The following MYO5B variants were observed in gnomAD, a reference collection of about 807,000 sequenced individuals.
MYO5B encodes the protein unconventional myosin-Vb.
MYO5B carries 143 observed loss-of-function variants against 229.3 expected under a neutral mutation model. That is an observed-to-expected ratio of 0.62 (90% CI 0.54 to 0.72). The LOEUF (loss-of-function observed/expected upper bound fraction) is 0.72. Among genes scored for constraint, MYO5B ranks in the 30% least tolerant of loss-of-function variants. The pLI, the probability that MYO5B is intolerant of heterozygous loss-of-function variation, is 0.00. For synonymous variants in MYO5B, 918 were observed against 885.2 expected, an observed-to-expected ratio of 1.04 and a Z score of -0.66; for missense variants, 2,321 against 2,331.0, an observed-to-expected ratio of 1.00 and a Z score of 0.09.
At position 49,837,646 on chromosome 18, in the gene MYO5B, T is replaced by A. The variant is rs769679742; in HGVS notation, c.5009A>T (p.Asp1670Val). The change falls in exon 37 of 40, where the codon GAC becomes GTC. Residue 1670 changes from aspartate to valine, a missense_variant. Transcript: ENST00000285039. ...QMNAFHTVMC[D>V]QGLDPEIILQ... Reference sequence around the variant, plus strand: ...GATGATCTCAGGGTCCAAGCCCTGGTCACACATGACTGTATGAAAGGCATT... The same window carrying A: ...GATGATCTCAGGGTCCAAGCCCTGGACACACATGACTGTATGAAAGGCATT... 2 of 1,613,920 alleles carry A rather than the reference T, an allele frequency of 1.2e-6. No individual in the cohort carries two copies. The highest frequency in any genetic ancestry group is 1.7e-6 in the Non-Finnish European group (2 of 1,179,898).
intron 4 of MYO5B, among the ~76,000 whole-genome samples, chr18:50,018,783 CG>C (rs972749170): frequency 3.9e-5 from 6 of 152,110 alleles, no homozygotes; most frequent in African/African-American, 1.4e-4. Context: ...TCTTAACACA[CG>C]GTTTTAGTGG....
intron 1 of MYO5B, among the ~76,000 whole-genome samples, chr18:50,158,722 T>G (rs377154594): frequency 1.4e-4 from 21 of 152,306 alleles, no homozygotes; most frequent in South Asian, 1.0e-3. Context: ...GACACTAAAA[T>G]GAGAATGCCA....
intron 10 of MYO5B, among the ~76,000 whole-genome samples, chr18:49,966,694 G>C (rs1182248229): frequency 6.6e-6 from 1 of 152,228 alleles, no homozygotes; most frequent in Non-Finnish European, 1.5e-5. Context: ...GTTTACACTG[G>C]TAGCACTCCA....
chr18:50,075,881 T>C (rs2144458404), intron 1 of MYO5B, among the ~76,000 whole-genome samples: 1 of 152,324 alleles, frequency 6.6e-6, no homozygotes, highest in South Asian at 2.1e-4. Context: ...GAAGTATCAG[T>C]GGCAATGTAC....
chr18:50,167,555 A>T (rs1299212009), intron 1 of MYO5B, among the ~76,000 whole-genome samples: 1 of 152,234 alleles, frequency 6.6e-6, no homozygotes, highest in East Asian at 1.9e-4. Context: ...TATAAAAGAC[A>T]AATTGCTCTA....
intron 22 of MYO5B, among the ~76,000 whole-genome samples, chr18:49,885,387 G>A (rs1332032238): frequency 1.3e-5 from 2 of 152,112 alleles, no homozygotes; most frequent in Middle Eastern, 6.3e-3. Flanking sequence ...ATGACCACGT[G>A]GAGCAGAGGA....
intron 16 of MYO5B, among the ~76,000 whole-genome samples, chr18:49,929,934 C>G (rs2075489444): frequency 6.6e-6 from 1 of 152,154 alleles, no homozygotes; most frequent in South Asian, 2.1e-4. Flanking sequence ...AGAGCCTACT[C>G]TTACTGTTTT....
chr18:49,840,925 C>G (rs1270693888), intron 35 of MYO5B, among the ~76,000 whole-genome samples: 1 of 152,180 alleles, frequency 6.6e-6, no homozygotes, highest in Non-Finnish European at 1.5e-5. Context: ...TGCCTCTGTT[C>G]TTGTGGCCAT....
rs114425643 is a variant in MYO5B at position 50,061,588 on chromosome 18, G to A, written c.28-6210C>T. ...AAAAACCTGAGAGAATTGATTCTCAGTGCTGGCTGGCATACAAGAATTATC... is the reference window on the plus strand; with the variant it reads ...AAAAACCTGAGAGAATTGATTCTCAATGCTGGCTGGCATACAAGAATTATC... On this transcript the variant is annotated intron_variant, in intron 1 of 39. Transcript: ENST00000285039. Among the ~76,000 whole-genome samples, 394 of 152,292 alleles carry A rather than the reference G, an allele frequency of 2.6e-3. 1 individual carries two copies. Among genetic ancestry groups the A allele is most frequent in the African/African-American group, 8.1e-3 (338 of 41,560 alleles).
intron 29 of MYO5B, 36 bp downstream of exon 29, chr18:49,863,191 G>A (rs376665885): frequency 6.5e-6 from 10 of 1,544,376 alleles, no homozygotes; most frequent in African/African-American, 4.1e-5. Flanking sequence ...CCTTCTCCGC[G>A]GCCTCGTCCA....
chr18:49,851,788 G>A (rs529356099), intron 31 of MYO5B, among the ~76,000 whole-genome samples: 22 of 152,294 alleles, frequency 1.4e-4, no homozygotes, highest in African/African-American at 5.3e-4. Flanking sequence ...TGTATACACT[G>A]TCTCCTCTCT....
intron 1 of MYO5B, among the ~76,000 whole-genome samples, chr18:50,137,881 A>C (rs1410167573): frequency 6.6e-6 from 1 of 152,204 alleles, no homozygotes; most frequent in Non-Finnish European, 1.5e-5. Context: ...ATGCAGGAAC[A>C]GAAAATCAAA....
intron 1 of MYO5B, among the ~76,000 whole-genome samples, chr18:50,147,720 A>C (rs1156812994): frequency 1.3e-5 from 2 of 152,126 alleles, no homozygotes; most frequent in Non-Finnish European, 2.9e-5. Context: ...GACCTCACCG[A>C]AACTCTTTTG....
At chr18:49,859,596 A>G (rs2024303898) in intron 29 of MYO5B, among the ~76,000 whole-genome samples, 2 of 152,218 alleles carry the variant, frequency 1.3e-5, no homozygotes, top group Non-Finnish European at 2.9e-5. Context: ...ACCAGGAACA[A>G]CAGAGAAACA....
chr18:50,185,991 G>C (rs1448868029), intron 1 of MYO5B, among the ~76,000 whole-genome samples: 3 of 152,220 alleles, frequency 2.0e-5, no homozygotes, highest in Non-Finnish European at 4.4e-5. Context: ...AACTACAACT[G>C]TGAGCCACCT....
chr18:50,173,744 G>C (rs1160270565), intron 1 of MYO5B, among the ~76,000 whole-genome samples: 1 of 152,114 alleles, frequency 6.6e-6, no homozygotes, highest in East Asian at 1.9e-4. Flanking sequence ...GTGAGAGCTG[G>C]GGGGAGAAAC....
At chr18:49,974,251 G>C in intron 10 of MYO5B, 99 bp downstream of exon 10, 1 of 1,559,400 alleles carries the variant, frequency 6.4e-7, no homozygotes. Context: ...CCTAAGTTGA[G>C]AACCACCAGG....
chr18:49,971,820 T>C (rs115066000), intron 10 of MYO5B, among the ~76,000 whole-genome samples: 2,616 of 152,298 alleles, frequency 0.017, 89 homozygotes, highest in African/African-American at 0.06. Context: ...CAGCACTGCA[T>C]TGAGCTACAG....
chr18:49,998,583 C>T (rs1414363611), intron 5 of MYO5B, among the ~76,000 whole-genome samples: 1 of 152,236 alleles, frequency 6.6e-6, no homozygotes, highest in Non-Finnish European at 1.5e-5. Context: ...CAAACAGATA[C>T]TTTCACACCC....
Sources: gnomAD v4.1 joint callset for allele counts (sites outside exome capture counted in the v4.1 genomes callset) on GRCh38, gnomAD v4.1.1 for gene constraint, MANE v1.5 for transcripts, NCBI Gene and HGNC (gene_info 2026-07-23, HGNC 2026-07-21) for gene names.